PTCH1: variants seen among roughly 807,000 people sequenced by gnomAD.
PTCH1 encodes the protein patched 1.
Under a neutral mutation model 144.6 loss-of-function variants are expected in PTCH1, and 14 were observed. The ratio of observed to expected loss-of-function variants is 0.10; its 90% confidence interval spans 0.06 to 0.15. The LOEUF is 0.15. Among genes scored for constraint, PTCH1 ranks in the 10% least tolerant of loss-of-function variants. The probability of loss-of-function intolerance (pLI) is 1.00; values close to 1 mark genes in which losing one functional copy is unlikely to be tolerated. For missense variants in PTCH1, 1,623 were observed against 1,948.3 expected (o/e 0.83, Z 3.14); for synonymous variants, 833 against 793.6 (o/e 1.05, Z -0.83).
At chr9:95,447,802 G>A (rs573772755) in intron 22 of PTCH1, among the ~76,000 whole-genome samples, 70 of 152,296 alleles carry the variant, frequency 4.6e-4, no homozygotes, top group African/African-American at 1.5e-3. Context: ...CCCCTCTCCC[G>A]AAGTTGCTAA....
intron 20 of PTCH1, 102 bp downstream of exon 20, chr9:95,453,376 C>G: frequency 2.6e-6 from 4 of 1,553,180 alleles, no homozygotes; most frequent in Non-Finnish European, 3.5e-6. Context: ...CTGATCCACC[C>G]GCCTCGGCCT....
intron 6 of PTCH1, 121 bp from the exon 7 acceptor site, chr9:95,480,211 G>C: frequency 6.5e-7 from 1 of 1,544,610 alleles, no homozygotes; most frequent in Non-Finnish European, 8.9e-7. Flanking sequence ...AAGGCTAATG[G>C]GAGGTGTATG....
At position 95,443,853 on chromosome 9, in the gene PTCH1, T is replaced by A. The variant is rs1837661869; in HGVS notation, c.*2540A>T. 6.6e-6 allele frequency: 1 copy of A among 152,646 alleles called. No individual in the cohort carries two copies. The highest frequency in any genetic ancestry group is 6.5e-5 in the Admixed American group (1 of 15,282). 9.5% of individuals were successfully genotyped at this position (152,646 alleles called of 1,614,324 possible). ...ACCAAAATTGGCAATGAGACCCAGTTTGAATATTTATTTCCTTTAAACTCC... is the reference window on the plus strand; with the variant it reads ...ACCAAAATTGGCAATGAGACCCAGTATGAATATTTATTTCCTTTAAACTCC... On this transcript the variant is annotated 3_prime_UTR_variant, in exon 24 of 24. Coordinates refer to ENST00000331920, the MANE Select transcript of PTCH1 (RefSeq NM_000264.5).
At chr9:95,513,247 CAAACCAAATG>C (rs1844233264), upstream of PTCH1, among the ~76,000 whole-genome samples, 1 of 152,152 alleles carries the variant, frequency 6.6e-6, no homozygotes, top group African/African-American at 2.4e-5. Flanking sequence ...TTTCTCAGAT[CAAACCAAATG>C]AGTCTTTAAA....
In PTCH1 at chr9:95,502,514, C is replaced by A. The variant is rs372653385; in HGVS notation, c.394+3893G>T. ...TTTCTGCAACAGCAGATGTCCACTACATCAGTCAACATATTCTCTATCAAA... is the reference window on the plus strand; with the variant it reads ...TTTCTGCAACAGCAGATGTCCACTAAATCAGTCAACATATTCTCTATCAAA... On this transcript the variant is annotated intron_variant, in intron 2 of 23. Transcript: ENST00000331920. Among the ~76,000 whole-genome samples the A allele has an allele frequency of 3.1e-4, 47 of 152,362 alleles. No individual in the cohort carries two copies. In the East Asian group the frequency reaches 5.2e-3, roughly 17 times the overall value.
At chr9:95,471,665 A>G (rs527773721) in intron 12 of PTCH1, among the ~76,000 whole-genome samples, 2 of 152,368 alleles carry the variant, frequency 1.3e-5, no homozygotes, top group African/African-American at 4.8e-5. Context: ...GGCAGGTGTC[A>G]GGCTGCAGAG....
chr9:95,470,322 T>C (rs574946361), intron 12 of PTCH1, among the ~76,000 whole-genome samples: 44 of 152,336 alleles, frequency 2.9e-4, no homozygotes, highest in African/African-American at 1.0e-3. Flanking sequence ...GCGACCCTGA[T>C]TTTACAGTTA....
chr9:95,453,025 GA>G (rs1396171562), intron 20 of PTCH1: 1 of 294,994 alleles, frequency 3.4e-6, no homozygotes, highest in African/African-American at 2.2e-5. Flanking sequence ...TTATACCTCC[GA>G]ATATCTCTAC....
At position 95,477,697 on chromosome 9, in the gene PTCH1, G is replaced by A. The variant is rs754741810; in HGVS notation, c.1353C>T (p.Ala451=). ...RVASGYLLML[A]YACLTMLRWD... ...AGCGCAGCATGGTTAGACAGGCATA[G>A]GCGAGCTGCAAGCAGAACAATGGGG... Residue 451 remains alanine (A), a synonymous_variant, in exon 10 of 24, where the codon GCC becomes GCT. Coordinates refer to ENST00000331920, the MANE Select transcript of PTCH1 (RefSeq NM_000264.5). 6.8e-6 allele frequency: 11 copies of A among 1,614,034 alleles called. No homozygotes were observed. The highest frequency in any genetic ancestry group is 9.3e-6 in the Non-Finnish European group (11 of 1,180,036).
chr9:95,506,830 G>A, intron 1 of PTCH1: 1 of 1,162,450 alleles, frequency 8.6e-7, no homozygotes, highest in African/African-American at 1.6e-5. Flanking sequence ...ACATCAGGGC[G>A]CCCCCACCCG....
intron 2 of PTCH1, among the ~76,000 whole-genome samples, chr9:95,488,771 C>T (rs1025645583): frequency 4.6e-5 from 7 of 152,106 alleles, no homozygotes; most frequent in South Asian, 4.1e-4. Flanking sequence ...ATGCAGAAAA[C>T]GAAGATGGTG....
rs1840401551 is a variant in PTCH1 at position 95,469,846 on chromosome 9, T to A, written c.1814A>T (p.Asp605Val). The A allele has an allele frequency of 6.2e-7, 1 of 1,614,044 alleles. No homozygotes were observed. ...ILSMDLYRRE[D>V]RRLDIFCCFT... is the part of the protein sequence containing the mutation. ...ACAGCAGAAAATATCCAGTCTCCTG[T>A]CCTCGCGTCGATATAAATCCATGCT... Residue 605 changes from aspartate (D) to valine (V), a missense_variant, in exon 13 of 24, where the codon GAC becomes GTC. Asp to Val is a radical substitution (Grantham distance 152). Around this residue, in one of 7 missense-constraint regions of PTCH1, gnomAD observed 135 missense variants for 228.7 expected, o/e 0.59. Transcript: ENST00000331920.
At chr9:95,459,412 T>C (rs1020362159) in intron 17 of PTCH1, among the ~76,000 whole-genome samples, 188 bp downstream of exon 17, 2 of 152,184 alleles carry the variant, frequency 1.3e-5, no homozygotes, top group Non-Finnish European at 2.9e-5. Context: ...CCCAATGTGA[T>C]AGAGTGCGGG....
At chr9:95,479,864 G>C (rs2118380349) in intron 7 of PTCH1, 105 bp downstream of exon 7, 1 of 1,567,582 alleles carries the variant, frequency 6.4e-7, no homozygotes, top group Middle Eastern at 1.7e-4. Context: ...GAGGATAACG[G>C]TTTAAGTATT....
At chr9:95,474,227 C>T (rs1417704888) in intron 12 of PTCH1, 17 of 329,202 alleles carry the variant, frequency 5.2e-5, no homozygotes, top group South Asian at 4.4e-4. Context: ...AGCAAAAAGG[C>T]AAGCAGAAAA....
chr9:95,508,346 T>G lies in PTCH1; in HGVS notation c.16A>C (p.Asn6His). 2 of 1,238,122 alleles carry G rather than the reference T, an allele frequency of 1.6e-6. No individual in the cohort carries two copies. The highest frequency in any genetic ancestry group is 2.0e-6 in the Non-Finnish European group (2 of 991,432). The allele number at this position is 1,238,122 out of a possible 1,614,324, so 76.7% of individuals were successfully genotyped here. Residue 6 changes from asparagine (N) to histidine (H), a missense_variant, in exon 1 of 24, where the codon AAC (asparagine) becomes CAC (histidine). Transcript: ENST00000331920. MASAG[N>H]AAEPQDRGGG... is the part of the protein sequence containing the mutation. Reference sequence around the variant, plus strand: ...CCGCGGTCCTGGGGCTCGGCGGCGTTACCAGCCGAGGCCATGTTGCCGCCG... The same window carrying G: ...CCGCGGTCCTGGGGCTCGGCGGCGTGACCAGCCGAGGCCATGTTGCCGCCG...
chr9:95,460,319 C>T (rs1839350943), intron 16 of PTCH1, among the ~76,000 whole-genome samples: 1 of 152,150 alleles, frequency 6.6e-6, no homozygotes. Context: ...GAGTGCACAC[C>T]CTCAAGCCTC....
rs1360279030 is a variant in PTCH1, at chr9:95,506,526, C to T, written c.275G>A (p.Cys92Tyr). ...KFQRLLFKLGCYIQKNCGKFL... is the reference protein window; with the variant it reads ...KFQRLLFKLGYYIQKNCGKFL... ...CTTGCCGCAGTTTTTTTGAATGTAA[C>T]AACCCAGTTTAAATAAGAGTCTCTG... Residue 92 changes from cysteine to tyrosine, a missense_variant, in exon 2 of 24, where the codon TGT becomes TAT. Cys to Tyr is a radical substitution (Grantham distance 194). Coordinates refer to ENST00000331920, the MANE Select transcript of PTCH1 (RefSeq NM_000264.5). 3 of 1,613,730 alleles carry T rather than the reference C, an allele frequency of 1.9e-6. No individual in the cohort carries two copies.
intron 12 of PTCH1, chr9:95,474,268 G>A (rs906621374): frequency 1.3e-5 from 4 of 310,156 alleles, no homozygotes; most frequent in Non-Finnish European, 2.6e-5. Flanking sequence ...TGGGCAGACA[G>A]GGTCCCATGA....
Sources: gnomAD v4.1 joint callset for allele counts (sites outside exome capture counted in the v4.1 genomes callset) on GRCh38, gnomAD v4.1.1 for gene constraint, gnomAD v4.1.1 regional missense constraint, MANE v1.5 for transcripts, NCBI Gene and HGNC (gene_info 2026-07-23, HGNC 2026-07-21) for gene names.